Variants in RBMS1 observed in about 807,000 individuals in gnomAD.
The protein encoded by RBMS1 is RNA-binding motif, single-stranded-interacting protein 1.
In RBMS1, 17 loss-of-function variants were observed where a neutral mutation model predicts 62.3. The observed-to-expected ratio is 0.27, with a 90% CI of 0.19 to 0.41. The LOEUF is 0.41. Ranked by LOEUF, RBMS1 falls within the 10% of genes least tolerant of loss-of-function variation. The pLI is 1.00. For synonymous variants in RBMS1, 172 were observed against 170.0 expected (o/e 1.01, Z -0.09); for missense variants, 334 against 504.5 (o/e 0.66, Z 3.24).
intron 2 of RBMS1, among the ~76,000 whole-genome samples, chr2:160,347,843 TC>T (rs1170321836): frequency 6.6e-6 from 1 of 152,100 alleles, no homozygotes; most frequent in African/African-American, 2.4e-5. Flanking sequence ...AGCCCTGATA[TC>T]CTTAATCTTC....
chr2:160,316,028 T>A (rs1690200426), intron 3 of RBMS1, among the ~76,000 whole-genome samples: 1 of 152,194 alleles, frequency 6.6e-6, no homozygotes, highest in South Asian at 2.1e-4. Context: ...AATTAGTATA[T>A]AACACAAGTA....
chr2:160,406,949 G>C (rs1695745645), intron 1 of RBMS1, among the ~76,000 whole-genome samples: 1 of 152,172 alleles, frequency 6.6e-6, no homozygotes, highest in Non-Finnish European at 1.5e-5. Context: ...GAAAGTGACA[G>C]TAGAAGTTCC....
At chr2:160,409,731 AGATT>A (rs1291913060) in intron 1 of RBMS1, among the ~76,000 whole-genome samples, 2 of 152,152 alleles carry the variant, frequency 1.3e-5, no homozygotes, top group African/African-American at 4.8e-5. Context: ...AGAAGAGAAT[AGATT>A]AATTTTTCTA....
chr2:160,276,509 C>T (rs1033769544), intron 12 of RBMS1: 4 of 152,420 alleles, frequency 2.6e-5, no homozygotes, highest in African/African-American at 4.8e-5. Flanking sequence ...TGGATTGATA[C>T]ATTTCCTTGA....
intron 1 of RBMS1, among the ~76,000 whole-genome samples, chr2:160,483,059 G>A (rs1181980368): frequency 1.3e-5 from 2 of 148,260 alleles, no homozygotes; most frequent in African/African-American, 2.5e-5. Context: ...CCTATTTGTA[G>A]GTTAAAAAAT....
chr2:160,339,201 C>T (rs991880130), intron 2 of RBMS1, among the ~76,000 whole-genome samples: 8 of 152,136 alleles, frequency 5.3e-5, no homozygotes, highest in African/African-American at 9.7e-5. Context: ...TGTCATCTAA[C>T]GAGAGAGTTA....
At chr2:160,451,158 G>GAAAAAAAAAAAAAA (rs71006607) in intron 1 of RBMS1, among the ~76,000 whole-genome samples, 1 of 128,006 alleles carries the variant, frequency 7.8e-6, no homozygotes, top group Non-Finnish European at 1.8e-5. Context: ...CCATGCTTCA[G>GAAAAAAAAAAAAAA]AAAAAAAAAA....
chr2:160,451,334 C>T (rs974329551), intron 1 of RBMS1, among the ~76,000 whole-genome samples: 3 of 151,930 alleles, frequency 2.0e-5, no homozygotes, highest in Non-Finnish European at 4.4e-5. Flanking sequence ...CGTGATTAAC[C>T]CTGATGAGTG....
At chr2:160,470,182 T>C (rs1684860524) in intron 1 of RBMS1, among the ~76,000 whole-genome samples, 1 of 152,348 alleles carries the variant, frequency 6.6e-6, no homozygotes, top group South Asian at 2.1e-4. Flanking sequence ...CGTATGTTAA[T>C]TATCTGTATT....
intron 1 of RBMS1, among the ~76,000 whole-genome samples, chr2:160,473,867 T>C (rs1163057691): frequency 3.9e-5 from 6 of 152,206 alleles, no homozygotes; most frequent in African/African-American, 1.4e-4. Context: ...TTAAAGGTCC[T>C]ATAAATATTT....
At chr2:160,318,103 C>T (rs1690326856) in intron 3 of RBMS1, 66 bp downstream of exon 3, 1 of 1,559,472 alleles carries the variant, frequency 6.4e-7, no homozygotes, top group African/African-American at 1.4e-5. Context: ...AACCAAAGAT[C>T]AGGTTTTAAA....
intron 3 of RBMS1, 70 bp from the exon 4 acceptor site, chr2:160,313,317 C>G (rs10929977): frequency 0.28 from 396,869 of 1,433,406 alleles, 59,240 homozygotes; most frequent in East Asian, 0.52. Flanking sequence ...AAAAGAACAG[C>G]TCTACTTTGT....
chr2:160,439,937 C>T (rs1194308154), intron 1 of RBMS1, among the ~76,000 whole-genome samples: 2 of 151,940 alleles, frequency 1.3e-5, no homozygotes, highest in Non-Finnish European at 2.9e-5. Flanking sequence ...CGCCTGCAAT[C>T]GCAGGCACTC....
At chr2:160,334,468 A>C (rs936999086) in intron 2 of RBMS1, among the ~76,000 whole-genome samples, 13 of 152,192 alleles carry the variant, frequency 8.5e-5, no homozygotes, top group African/African-American at 2.9e-4. Context: ...AAGGAAACTA[A>C]GGCAGAGGGG....
intron 2 of RBMS1, among the ~76,000 whole-genome samples, chr2:160,332,672 G>C (rs114140672): frequency 8.9e-4 from 136 of 152,114 alleles, no homozygotes; most frequent in Non-Finnish European, 1.8e-3. Context: ...AATGGGTCCT[G>C]AACATCCATG....
chr2:160,386,564 C>T (rs1426749656), intron 1 of RBMS1, among the ~76,000 whole-genome samples: 1 of 150,830 alleles, frequency 6.6e-6, no homozygotes, highest in Non-Finnish European at 1.5e-5. Context: ...AAGATGTGGC[C>T]TTTGGAAGGT....
rs1690337250 is a variant in RBMS1, at chr2:160,318,229, T to TAAAAAAAAAACA, written c.252-3_252-2insTGTTTTTTTTTT. 1.0e-6 allele frequency: 1 copy of TAAAAAAAAAACA among 993,498 alleles called. No individual in the cohort carries two copies. The highest frequency in any genetic ancestry group is 1.3e-6 in the Non-Finnish European group (1 of 793,100). The allele number at this position is 993,498 out of a possible 1,614,324, so 61.5% of individuals were successfully genotyped here. A position where few individuals can be genotyped will look rare whatever the true frequency, so the allele number is the denominator to read the frequency against. On this transcript the variant is annotated splice_polypyrimidine_tract_variant and splice_region_variant and intron_variant, in intron 2 of 13. Coordinates refer to ENST00000348849, the MANE Select transcript of RBMS1 (RefSeq NM_016836.4). ...TTTGTGGAGACTATTTTCCCATATC[T>TAAAAAAAAAACA]AAAAAAAAAAAAAAAAAAAAAAAGG...
At chr2:160,374,804 C>T (rs571654431) in intron 1 of RBMS1, among the ~76,000 whole-genome samples, 16 of 152,052 alleles carry the variant, frequency 1.1e-4, no homozygotes, top group Admixed American at 7.9e-4. Flanking sequence ...GTGGTGGGCG[C>T]CTGTCATCCC....
intron 1 of RBMS1, among the ~76,000 whole-genome samples, chr2:160,404,764 G>C (rs1336596687): frequency 6.6e-6 from 1 of 152,136 alleles, no homozygotes; most frequent in Non-Finnish European, 1.5e-5. Context: ...CTTACCATCT[G>C]TATCATCCAT....
Sources: allele counts gnomAD v4.1 joint callset (sites outside exome capture counted in the v4.1 genomes callset), GRCh38; gene constraint gnomAD v4.1.1; transcripts MANE v1.5; gene names NCBI Gene and HGNC (gene_info 2026-07-23, HGNC 2026-07-21).